FRMD5: variants seen among roughly 807,000 people sequenced by gnomAD.
FRMD5 encodes FERM domain containing 5.
FRMD5 carries 20 observed loss-of-function variants against 69.0 expected under a neutral mutation model. That is an observed-to-expected ratio of 0.29 (90% CI 0.20 to 0.42). FRMD5 has a LOEUF of 0.42. Among genes scored for constraint, FRMD5 ranks in the 10% least tolerant of loss-of-function variants. The pLI is 1.00. For synonymous variants in FRMD5, 271 were observed against 260.1 expected (o/e 1.04, Z -0.40); for missense variants, 595 against 708.6 (o/e 0.84, Z 1.82).
At chr15:43,877,001 G>T (rs1439724120) in intron 13 of FRMD5, among the ~76,000 whole-genome samples, 1 of 152,162 alleles carries the variant, frequency 6.6e-6, no homozygotes, top group East Asian at 1.9e-4. Context: ...AACAGGAGCT[G>T]GTTACACTCT....
chr15:43,950,338 A>G (rs946139738), intron 1 of FRMD5, among the ~76,000 whole-genome samples: 1 of 152,202 alleles, frequency 6.6e-6, no homozygotes, highest in African/African-American at 2.4e-5. Context: ...TTTCCTCAAT[A>G]AAAAGGGAGC....
At chr15:44,147,260 G>T (rs1322664625) in intron 1 of FRMD5, among the ~76,000 whole-genome samples, 1 of 152,088 alleles carries the variant, frequency 6.6e-6, no homozygotes, top group East Asian at 1.9e-4. Flanking sequence ...TTTCTCTGTT[G>T]CTTGTTTTTG....
At chr15:43,904,418 G>T (rs2089121984) in intron 6 of FRMD5, among the ~76,000 whole-genome samples, 1 of 152,054 alleles carries the variant, frequency 6.6e-6, no homozygotes, top group Non-Finnish European at 1.5e-5. Context: ...GCCCAGGCTG[G>T]CATGGAGTGG....
chr15:43,950,114 C>T (rs958351061), intron 1 of FRMD5, among the ~76,000 whole-genome samples: 2 of 152,180 alleles, frequency 1.3e-5, no homozygotes, highest in Non-Finnish European at 2.9e-5. Context: ...GTTACAAATT[C>T]AGGCCCACTG....
intron 5 of FRMD5, among the ~76,000 whole-genome samples, chr15:43,907,455 G>A (rs1233814484): frequency 2.0e-5 from 3 of 151,524 alleles, no homozygotes; most frequent in African/African-American, 4.9e-5. Context: ...CTGTAGCCTC[G>A]ACCTCCTGGA....
intron 1 of FRMD5, among the ~76,000 whole-genome samples, chr15:44,161,779 G>A (rs927714738): frequency 2.0e-5 from 3 of 151,900 alleles, no homozygotes; most frequent in Non-Finnish European, 2.9e-5. Flanking sequence ...TTACTATACC[G>A]TATCTTCCTC....
chr15:44,195,891 C>T (rs996284382), upstream of FRMD5, among the ~76,000 whole-genome samples: 2 of 10,610 alleles, frequency 1.9e-4, no homozygotes, highest in African/African-American at 2.6e-4. Flanking sequence ...CTCTAACACC[C>T]TTTGCCTCCT....
chr15:43,988,508 A>G (rs1446990956), intron 1 of FRMD5, among the ~76,000 whole-genome samples: 2 of 152,064 alleles, frequency 1.3e-5, no homozygotes, highest in Non-Finnish European at 2.9e-5. Context: ...AACTGGTCTC[A>G]AGTCAGTGTA....
intron 1 of FRMD5, among the ~76,000 whole-genome samples, chr15:44,032,283 T>C (rs979548112): frequency 6.6e-5 from 10 of 152,130 alleles, no homozygotes; most frequent in African/African-American, 1.7e-4. Context: ...ATCCTGGACA[T>C]AGGAACAAGC....
intron 1 of FRMD5, among the ~76,000 whole-genome samples, chr15:44,186,018 C>A (rs925167585): frequency 1.3e-5 from 2 of 152,124 alleles, no homozygotes; most frequent in African/African-American, 4.8e-5. Flanking sequence ...ACCTTCGCCT[C>A]CCCAGTTCAA....
chr15:44,134,995 A>T (rs1427108234), intron 1 of FRMD5, among the ~76,000 whole-genome samples: 1 of 152,214 alleles, frequency 6.6e-6, no homozygotes, highest in East Asian at 1.9e-4. Flanking sequence ...TCATACTTTG[A>T]AAGTGTTACT....
chr15:43,956,573 C>T (rs1038012243), intron 1 of FRMD5, among the ~76,000 whole-genome samples: 5 of 152,218 alleles, frequency 3.3e-5, no homozygotes, highest in East Asian at 1.9e-4. Context: ...ATGGAGAAAT[C>T]TCAAAAAGTC....
At position 43,891,890 on chromosome 15, in the gene FRMD5, C is replaced by T. The variant is rs1403974093; in HGVS notation, c.728+91G>A. On this transcript the variant is annotated intron_variant, in intron 8 of 13. Transcript: ENST00000417257. ...CTTTGGAGAGGGCTCTGAACCAGAACTGCCCAATCACAGACAAAGGACACG... is the reference window on the plus strand; with the variant it reads ...CTTTGGAGAGGGCTCTGAACCAGAATTGCCCAATCACAGACAAAGGACACG... 10 of 1,034,082 alleles carry T rather than the reference C, an allele frequency of 9.7e-6. No individual in the cohort carries two copies. The East Asian group carries it at 1.3e-4, about 13-fold the overall frequency. 64.1% of individuals were successfully genotyped at this position (1,034,082 alleles called of 1,614,324 possible). A position where few individuals can be genotyped will look rare whatever the true frequency, so the allele number is the denominator to read the frequency against.
intron 1 of FRMD5, among the ~76,000 whole-genome samples, chr15:44,089,716 G>C (rs1441763367): frequency 6.6e-6 from 1 of 151,802 alleles, no homozygotes; most frequent in Non-Finnish European, 1.5e-5. Context: ...AAAAAAGTTG[G>C]TCACTTCCTA....
At chr15:44,142,029 T>A (rs977132127) in intron 1 of FRMD5, among the ~76,000 whole-genome samples, 16 of 152,158 alleles carry the variant, frequency 1.1e-4, no homozygotes, top group African/African-American at 3.9e-4. Context: ...TCTCTTTATG[T>A]CATCAGATGT....
Position 43,873,195 on chromosome 15 carries a change from G to A in FRMD5, c.*690C>T, listed in dbSNP as rs1025159362. The A allele has an allele frequency of 6.4e-7, 1 of 1,550,400 alleles. No individual in the cohort carries two copies. The highest frequency in any genetic ancestry group is 1.4e-5 in the African/African-American group (1 of 73,036). The stretch of plus-strand genomic sequence containing the variant: ...CCCCACCCCTGATGCTGCTGTTGCT[G>A]TAGCGGTGGTCCCTTCAGATGCCCA... On this transcript the variant is annotated 3_prime_UTR_variant, in exon 14 of 14. Coordinates refer to ENST00000417257, the MANE Select transcript of FRMD5 (RefSeq NM_032892.5).
intron 1 of FRMD5, among the ~76,000 whole-genome samples, chr15:44,130,858 TA>T (rs2077088945): frequency 6.6e-6 from 1 of 152,144 alleles, no homozygotes; most frequent in Non-Finnish European, 1.5e-5. Flanking sequence ...GTGTTTACAT[TA>T]AAAGAAATTA....
intron 1 of FRMD5, among the ~76,000 whole-genome samples, chr15:44,013,254 G>A (rs532286378): frequency 6.6e-5 from 10 of 152,284 alleles, no homozygotes; most frequent in African/African-American, 1.4e-4. Flanking sequence ...TTAGCTGGGC[G>A]TGGTGGCATG....
chr15:43,990,038 G>A, intron 1 of FRMD5: 1 of 783,294 alleles, frequency 1.3e-6, no homozygotes, highest in Admixed American at 1.8e-5. Flanking sequence ...GAGTCCTTCT[G>A]ACCCATGCCC....
Sources: allele counts gnomAD v4.1 joint callset (sites outside exome capture counted in the v4.1 genomes callset), GRCh38; gene constraint gnomAD v4.1.1; transcripts MANE v1.5; gene names NCBI Gene and HGNC (gene_info 2026-07-23, HGNC 2026-07-21).